The following MAPK10 variants were observed in gnomAD, a reference collection of about 807,000 sequenced individuals.
The protein encoded by MAPK10 is JNK3 alpha protein kinase.
Under a neutral mutation model 59.3 loss-of-function variants are expected in MAPK10, and 25 were observed. The observed-to-expected ratio is 0.42, with a 90% CI of 0.31 to 0.59. MAPK10 has a LOEUF of 0.59. Ranked by LOEUF, MAPK10 falls within the 20% of genes least tolerant of loss-of-function variation. The pLI is 0.15. For synonymous variants in MAPK10, 190 were observed against 200.5 expected (o/e 0.95, Z 0.44); for missense variants, 351 against 568.9 (o/e 0.62, Z 3.90).
intron 4 of MAPK10, chr4:86,120,416 A>G (rs1379871023): frequency 6.6e-6 from 1 of 152,288 alleles, no homozygotes; most frequent in African/African-American, 2.4e-5. Context: ...GGGGAAGACC[A>G]CACAAAGATT....
chr4:86,408,912 C>T (rs1017594946), intron 1 of MAPK10, among the ~76,000 whole-genome samples: 6 of 152,126 alleles, frequency 3.9e-5, no homozygotes, highest in Admixed American at 6.6e-5. Context: ...TTAATTAGAT[C>T]CCATTTGTCA....
chr4:86,335,591 T>C (rs1053672659), intron 2 of MAPK10, among the ~76,000 whole-genome samples: 2 of 152,054 alleles, frequency 1.3e-5, no homozygotes, highest in Non-Finnish European at 1.5e-5. Flanking sequence ...TGCCCTGCCA[T>C]AAATAATATA....
At chr4:86,532,199 G>A (rs914280407) in intron 1 of MAPK10, among the ~76,000 whole-genome samples, 1 of 151,582 alleles carries the variant, frequency 6.6e-6, no homozygotes, top group African/African-American at 2.4e-5. Context: ...GAGGAATAAA[G>A]AATTTAAGAC....
intron 1 of MAPK10, among the ~76,000 whole-genome samples, chr4:86,371,057 A>G (rs1343675219): frequency 6.6e-6 from 1 of 152,218 alleles, no homozygotes; most frequent in African/African-American, 2.4e-5. Context: ...TTCTAGGCAA[A>G]ATATACAAAC....
chr4:86,451,491 C>T lies in MAPK10; in HGVS notation c.-122+1539G>A, dbSNP rs530908863. Among the ~76,000 whole-genome samples the T allele has an allele frequency of 3.9e-5, 6 of 152,294 alleles. No individual in the cohort carries two copies. The East Asian group carries it at 1.2e-3, about 29-fold the overall frequency. ...CATTTTATATGGATACTAACTCAAA[C>T]AAACTACTTTAAGTTGACTTCCCCA... On this transcript the variant is annotated intron_variant, in intron 1 of 13. Transcript: ENST00000361569.
chr4:86,345,752 C>G (rs1293915141), intron 2 of MAPK10, among the ~76,000 whole-genome samples: 1 of 152,230 alleles, frequency 6.6e-6, no homozygotes, highest in Non-Finnish European at 1.5e-5. Flanking sequence ...ACACCCCGCT[C>G]TAGACAATTC....
At chr4:86,421,970 G>A (rs1020762045) in intron 1 of MAPK10, among the ~76,000 whole-genome samples, 12 of 152,022 alleles carry the variant, frequency 7.9e-5, no homozygotes, top group East Asian at 7.7e-4. Flanking sequence ...CTCCTTTGCC[G>A]CCAGTCTCAA....
chr4:86,186,613 C>T (rs1319584244), intron 3 of MAPK10, among the ~76,000 whole-genome samples: 1 of 151,994 alleles, frequency 6.6e-6, no homozygotes, highest in African/African-American at 2.4e-5. Context: ...TGATTCATGT[C>T]ATTCTTTATT....
intron 1 of MAPK10, among the ~76,000 whole-genome samples, chr4:86,418,833 C>T (rs1746162723): frequency 6.6e-6 from 1 of 152,204 alleles, no homozygotes; most frequent in African/African-American, 2.4e-5. Flanking sequence ...TGGAATACTA[C>T]TCAGCCATAA....
intron 2 of MAPK10, among the ~76,000 whole-genome samples, chr4:86,295,770 A>T (rs866009995): frequency 3.6e-5 from 5 of 138,948 alleles, no homozygotes; most frequent in East Asian, 2.0e-4. Context: ...TATATATTTT[A>T]TATATATATA....
At chr4:86,123,084 T>G (rs1312457864) in intron 4 of MAPK10, among the ~76,000 whole-genome samples, 34 of 152,168 alleles carry the variant, frequency 2.2e-4, no homozygotes, top group Admixed American at 2.2e-3. Context: ...CATGCATAAC[T>G]TTTTCATAAT....
At chr4:86,358,440 G>T in intron 1 of MAPK10, 1 of 896,210 alleles carries the variant, frequency 1.1e-6, no homozygotes, top group Non-Finnish European at 1.3e-6. Context: ...CTTGCAGTTT[G>T]TTCATAAAAG....
At chr4:86,094,377 T>C (rs2053833423) in intron 9 of MAPK10, among the ~76,000 whole-genome samples, 1 of 152,096 alleles carries the variant, frequency 6.6e-6, no homozygotes, top group East Asian at 1.9e-4. Context: ...CAAGAGGAGC[T>C]ATTTTAGCAG....
intron 4 of MAPK10, among the ~76,000 whole-genome samples, chr4:86,150,098 C>T (rs1427151426): frequency 6.6e-6 from 1 of 152,148 alleles, no homozygotes; most frequent in East Asian, 1.9e-4. Context: ...GTGGTATATA[C>T]ACCATGGAAT....
At chr4:86,020,569 C>A in intron 13 of MAPK10, 1 of 168,174 alleles carries the variant, frequency 5.9e-6, no homozygotes, top group South Asian at 1.8e-4. Flanking sequence ...GCCGCGGACC[C>A]TCGCGGTGAG....
At chr4:86,120,105 T>C (rs1469780472) in intron 4 of MAPK10, 12 of 152,216 alleles carry the variant, frequency 7.9e-5, no homozygotes, top group African/African-American at 2.9e-4. Flanking sequence ...AGCAATATGC[T>C]CTGGAGTTCA....
intron 1 of MAPK10, among the ~76,000 whole-genome samples, chr4:86,444,271 A>G (rs1449593018): frequency 6.6e-6 from 1 of 152,148 alleles, no homozygotes; most frequent in Non-Finnish European, 1.5e-5. Context: ...AACTACAAAA[A>G]TCGTATTCAA....
chr4:86,167,006 T>A (rs1216315711), intron 3 of MAPK10, among the ~76,000 whole-genome samples: 1 of 151,158 alleles, frequency 6.6e-6, no homozygotes, highest in African/African-American at 2.4e-5. Flanking sequence ...GAGAAAAGAA[T>A]CAAATAGACA....
chr4:86,314,028 A>T (rs1161279528), intron 2 of MAPK10, among the ~76,000 whole-genome samples: 1 of 152,194 alleles, frequency 6.6e-6, no homozygotes, highest in Non-Finnish European at 1.5e-5. Flanking sequence ...CAGCCACAAA[A>T]AAACAGCATG....
Sources: gnomAD v4.1 joint callset for allele counts (sites outside exome capture counted in the v4.1 genomes callset) on GRCh38, gnomAD v4.1.1 for gene constraint, MANE v1.5 for transcripts, NCBI Gene and HGNC (gene_info 2026-07-23, HGNC 2026-07-21) for gene names.